The following UXS1 variants were observed in gnomAD, a reference collection of about 807,000 sequenced individuals.
UXS1 encodes UDP-glucuronate decarboxylase 1.
UXS1 carries 33 observed loss-of-function variants against 62.6 expected under a neutral mutation model. The ratio of observed to expected loss-of-function variants is 0.53; its 90% confidence interval spans 0.40 to 0.70. UXS1 has a LOEUF of 0.70. Among genes scored for constraint, UXS1 ranks in the 30% least tolerant of loss-of-function variants. The pLI, the probability that UXS1 is intolerant of heterozygous loss-of-function variation, is 0.00. For missense variants in UXS1, 434 were observed against 556.3 expected (o/e 0.78, Z 2.21); for synonymous variants, 213 against 206.8 (o/e 1.03, Z -0.26).
intron 5 of UXS1, among the ~76,000 whole-genome samples, chr2:106,156,747 T>C (rs1025723778): frequency 1.2e-4 from 19 of 152,320 alleles, no homozygotes; most frequent in African/African-American, 3.6e-4. Context: ...TAGGGAATAA[T>C]AACCTGAAAA....
chr2:106,129,275 G>A (rs1680228798), intron 7 of UXS1, among the ~76,000 whole-genome samples: 1 of 152,144 alleles, frequency 6.6e-6, no homozygotes, highest in Admixed American at 6.5e-5. Context: ...AACCCAACCT[G>A]GGGATCAGAG....
At chr2:106,188,493 G>A (rs1684717734) in intron 1 of UXS1, among the ~76,000 whole-genome samples, 1 of 152,254 alleles carries the variant, frequency 6.6e-6, no homozygotes, top group Non-Finnish European at 1.5e-5. Context: ...CCTGGCAGAA[G>A]ACAGGTGGCT....
chr2:106,106,092 C>T (rs1477781019), intron 10 of UXS1, among the ~76,000 whole-genome samples: 20 of 152,074 alleles, frequency 1.3e-4, no homozygotes, highest in Admixed American at 8.5e-4. Flanking sequence ...TGGCCTGGCG[C>T]GGTGGCTCAA....
At chr2:106,161,266 C>T (rs1558739778) in intron 4 of UXS1, among the ~76,000 whole-genome samples, 1 of 151,940 alleles carries the variant, frequency 6.6e-6, no homozygotes, top group Non-Finnish European at 1.5e-5. Flanking sequence ...AATCACAGCT[C>T]ACTGCAGCCT....
chr2:106,117,084 C>T (rs1679119829), intron 9 of UXS1, among the ~76,000 whole-genome samples: 1 of 152,196 alleles, frequency 6.6e-6, no homozygotes, highest in African/African-American at 2.4e-5. Context: ...TGGGTTTTCT[C>T]CAGGTATTCT....
intron 14 of UXS1, 96 bp from the exon 15 acceptor site, chr2:106,094,253 T>C: frequency 6.7e-7 from 1 of 1,502,212 alleles, no homozygotes; most frequent in Non-Finnish European, 9.1e-7. Flanking sequence ...AAGTGCCACC[T>C]TGCAGCCAGT....
At chr2:106,157,316 T>C (rs1682517763) in intron 5 of UXS1, among the ~76,000 whole-genome samples, 1 of 152,234 alleles carries the variant, frequency 6.6e-6, no homozygotes, top group African/African-American at 2.4e-5. Flanking sequence ...ACATAATTTG[T>C]TACCTAATAG....
intron 10 of UXS1, 53 bp downstream of exon 10, chr2:106,112,593 G>A (rs1170582292): frequency 6.2e-7 from 1 of 1,601,460 alleles, no homozygotes; most frequent in South Asian, 1.1e-5. Context: ...TCCTTTGTGA[G>A]CTGACTTCGA....
intron 2 of UXS1, 112 bp downstream of exon 2, chr2:106,165,944 T>A: frequency 1.9e-6 from 2 of 1,056,412 alleles, no homozygotes; most frequent in Non-Finnish European, 2.7e-6. Flanking sequence ...AGAACCCACT[T>A]TTGTTTTAAA....
chr2:106,112,566 G>C (rs1678706066), intron 10 of UXS1, 80 bp downstream of exon 10: 2 of 1,559,550 alleles, frequency 1.3e-6, no homozygotes, highest in Non-Finnish European at 1.7e-6. Flanking sequence ...CCTGAACCAA[G>C]ATGCACTTAT....
intron 5 of UXS1, among the ~76,000 whole-genome samples, chr2:106,152,821 C>T (rs748970063): frequency 2.0e-5 from 3 of 151,892 alleles, no homozygotes; most frequent in Non-Finnish European, 4.4e-5. Context: ...ATTCCAGTCA[C>T]GGTTGCCCCA....
chr2:106,139,630 G>A (rs952514687), intron 6 of UXS1, among the ~76,000 whole-genome samples: 2 of 152,206 alleles, frequency 1.3e-5, no homozygotes, highest in Non-Finnish European at 2.9e-5. Flanking sequence ...TTCTACCAAA[G>A]GGGAAATCCA....
At chr2:106,113,327 A>C (rs1477524961) in intron 9 of UXS1, among the ~76,000 whole-genome samples, 2 of 152,234 alleles carry the variant, frequency 1.3e-5, no homozygotes. Context: ...TTTAGTGAGA[A>C]ACTAAATACA....
chr2:106,142,305 A>G (rs186419109), intron 6 of UXS1, among the ~76,000 whole-genome samples: 1 of 152,346 alleles, frequency 6.6e-6, no homozygotes, highest in East Asian at 1.9e-4. Context: ...AAAGAGAAAA[A>G]TATTTCAGAT....
At chr2:106,147,337 C>A (rs1315507474) in intron 5 of UXS1, among the ~76,000 whole-genome samples, 2 of 152,206 alleles carry the variant, frequency 1.3e-5, no homozygotes. Context: ...TAAACAGGAC[C>A]TAGGGTCGTG....
intron 9 of UXS1, 77 bp from the exon 10 acceptor site, chr2:106,112,842 G>A (rs1350628510): frequency 1.3e-6 from 2 of 1,525,310 alleles, no homozygotes; most frequent in Admixed American, 2.1e-5. Context: ...CCAGTGCCCT[G>A]CATGCAATGC....
chr2:106,169,909 C>T (rs1683437791), intron 1 of UXS1, among the ~76,000 whole-genome samples: 1 of 152,088 alleles, frequency 6.6e-6, no homozygotes, highest in Admixed American at 6.5e-5. Context: ...GGAATGATGT[C>T]CAAGCCACAG....
chr2:106,160,569 T>C (rs1682822934), intron 4 of UXS1: 1 of 152,274 alleles, frequency 6.6e-6, no homozygotes, highest in Admixed American at 6.5e-5. Context: ...CGCAGGACTG[T>C]GGAGTGTGCA....
chr2:106,160,389 C>T (rs1227413303), intron 4 of UXS1: 4 of 152,346 alleles, frequency 2.6e-5, no homozygotes, highest in South Asian at 2.1e-4. Context: ...AACTGTCTGT[C>T]GTGAAAACGC....
Sources: allele counts gnomAD v4.1 joint callset (sites outside exome capture counted in the v4.1 genomes callset), GRCh38; gene constraint gnomAD v4.1.1; transcripts MANE v1.5; gene names NCBI Gene and HGNC (gene_info 2026-07-23, HGNC 2026-07-21).